The following GLIS3 variants were observed in gnomAD, a reference collection of about 807,000 sequenced individuals.
GLIS3 encodes zinc finger protein GLIS3.
A neutral mutation model predicts 78.6 loss-of-function variants in GLIS3; 53 were observed. That is an observed-to-expected ratio of 0.67 (90% CI 0.54 to 0.85). The LOEUF is 0.85. Among genes scored for constraint, GLIS3 ranks in the 40% least tolerant of loss-of-function variants. The pLI, the probability that GLIS3 is intolerant of heterozygous loss-of-function variation, is 0.00. For synonymous variants in GLIS3, 684 were observed against 509.9 expected (o/e 1.34, Z -4.60); for missense variants, 1,703 against 1,231.1 (o/e 1.38, Z -5.74).
chr9:3,987,776 A>C (rs1262246478), intron 4 of GLIS3, among the ~76,000 whole-genome samples: 8 of 144,336 alleles, frequency 5.5e-5, no homozygotes, highest in African/African-American at 1.3e-4. Flanking sequence ...AAAAAAAAAA[A>C]AAAAAAAAAA....
chr9:4,087,347 A>G (rs565983890), intron 4 of GLIS3, among the ~76,000 whole-genome samples: 20 of 152,320 alleles, frequency 1.3e-4, no homozygotes, highest in African/African-American at 4.8e-4. Context: ...ATAGATGCAC[A>G]TCCAAAGCTG....
chr9:4,417,034 T>C, the GLIS3 span, among the ~76,000 whole-genome samples: 1 of 152,144 alleles, frequency 6.6e-6, no homozygotes, highest in African/African-American at 2.4e-5. Context: ...ATTCCTTCTC[T>C]CAATTATGCA....
the GLIS3 span, among the ~76,000 whole-genome samples, chr9:4,396,923 A>C: frequency 1.3e-5 from 2 of 152,042 alleles, no homozygotes; most frequent in African/African-American, 4.8e-5. Flanking sequence ...TTTTCTGGGA[A>C]AACGCCCAGG....
At chr9:3,995,197 G>A (rs1820649352) in intron 4 of GLIS3, among the ~76,000 whole-genome samples, 1 of 152,098 alleles carries the variant, frequency 6.6e-6, no homozygotes, top group South Asian at 2.1e-4. Flanking sequence ...GGAAAAATGA[G>A]TCTCTTAAGG....
intron 3 of GLIS3, among the ~76,000 whole-genome samples, chr9:4,120,944 C>T (rs1051225138): frequency 1.3e-5 from 2 of 152,206 alleles, no homozygotes; most frequent in Admixed American, 6.5e-5. Flanking sequence ...TCTTATTTCT[C>T]TCAAATTATA....
chr9:3,875,326 G>C (rs1821242610), intron 8 of GLIS3, among the ~76,000 whole-genome samples: 1 of 152,186 alleles, frequency 6.6e-6, no homozygotes, highest in African/African-American at 2.4e-5. Context: ...TTGTTAGATT[G>C]AGAGAACTTG....
intron 4 of GLIS3, among the ~76,000 whole-genome samples, chr9:4,022,732 A>G (rs986390767): frequency 3.9e-5 from 6 of 152,212 alleles, no homozygotes; most frequent in Non-Finnish European, 5.9e-5. Flanking sequence ...ACAGTATTCC[A>G]CAAGGTAAAG....
chr9:4,253,093 G>T (rs1824552037), intron 2 of GLIS3, among the ~76,000 whole-genome samples: 1 of 152,266 alleles, frequency 6.6e-6, no homozygotes. Context: ...ACAGGGGTCA[G>T]GGACCCACTG....
At position 3,971,050 on chromosome 9, in the gene GLIS3, CGAAGGAAGGAAGGAAGGATTAATT is replaced by C. The variant is rs1314615480; in HGVS notation, c.1711-33885_1711-33862del. ...TCGATCAAAGGAAAGAAGGAAGGATCGAAGGAAGGAAGGAAGGATTAATTGAAGGAAGGAAGGAAGGATAGATCG... is the reference window on the plus strand; with the variant it reads ...TCGATCAAAGGAAAGAAGGAAGGATCGAAGGAAGGAAGGAAGGATAGATCG... On this transcript the variant is annotated intron_variant, in intron 4 of 10. Coordinates refer to ENST00000381971, the MANE Select transcript of GLIS3 (RefSeq NM_001042413.2). 7.2e-5 allele frequency among the ~76,000 whole-genome samples: 10 copies of C among 138,736 alleles called. No individual in the cohort carries two copies. In the South Asian group the frequency reaches 1.1e-3, roughly 16 times the overall value. The allele number at this position is 138,736 out of a possible 152,430, so 91.0% of individuals were successfully genotyped here.
chr9:4,252,458 G>T (rs1824491760), intron 2 of GLIS3, among the ~76,000 whole-genome samples: 1 of 151,846 alleles, frequency 6.6e-6, no homozygotes, highest in Non-Finnish European at 1.5e-5. Flanking sequence ...GTTCCATCAG[G>T]TCATTTATGT....
chr9:4,401,782 G>C, the GLIS3 span, among the ~76,000 whole-genome samples: 2 of 151,582 alleles, frequency 1.3e-5, no homozygotes, highest in Admixed American at 6.6e-5. Flanking sequence ...ATTTTTAACA[G>C]ACAGTATTTC....
chr9:4,004,289 A>G (rs1821361223), intron 4 of GLIS3, among the ~76,000 whole-genome samples: 1 of 152,206 alleles, frequency 6.6e-6, no homozygotes, highest in African/African-American at 2.4e-5. Context: ...AGACTCCTTG[A>G]TATTTGGTAG....
intron 2 of GLIS3, among the ~76,000 whole-genome samples, chr9:4,171,241 A>C (rs1312886586): frequency 6.6e-6 from 1 of 152,232 alleles, no homozygotes; most frequent in Non-Finnish European, 1.5e-5. Context: ...ATAACAGTAT[A>C]AAGATAAAAG....
the GLIS3 span, among the ~76,000 whole-genome samples, chr9:4,385,866 G>C: frequency 3.2e-4 from 48 of 151,908 alleles, 1 homozygote; most frequent in African/African-American, 1.1e-3. Context: ...GGTGCACAAG[G>C]CTCACCCCAA....
chr9:4,314,317 G>A (rs1817407978), intron 2 of GLIS3, among the ~76,000 whole-genome samples: 1 of 152,152 alleles, frequency 6.6e-6, no homozygotes, highest in Non-Finnish European at 1.5e-5. Flanking sequence ...CTTTCTCCCA[G>A]GCTGCATGTC....
At chr9:4,020,581 C>A (rs1415898107) in intron 4 of GLIS3, among the ~76,000 whole-genome samples, 1 of 152,192 alleles carries the variant, frequency 6.6e-6, no homozygotes, top group Non-Finnish European at 1.5e-5. Flanking sequence ...AGGCATAAAC[C>A]ACATACTTAT....
At chr9:3,854,001 C>G (rs1819599222) in intron 9 of GLIS3, among the ~76,000 whole-genome samples, 1 of 152,158 alleles carries the variant, frequency 6.6e-6, no homozygotes, top group Non-Finnish European at 1.5e-5. Flanking sequence ...TGAGCTATGT[C>G]CAGATTTCAG....
intron 4 of GLIS3, among the ~76,000 whole-genome samples, chr9:4,064,188 T>A (rs1164009034): frequency 6.6e-6 from 1 of 152,086 alleles, no homozygotes; most frequent in African/African-American, 2.4e-5. Flanking sequence ...ACCTATTTAC[T>A]GAGGAAAAAA....
chr9:4,355,785 T>C, the GLIS3 span, among the ~76,000 whole-genome samples: 1 of 152,118 alleles, frequency 6.6e-6, no homozygotes, highest in African/African-American at 2.4e-5. Context: ...CAACTGAGCA[T>C]TGCACCTATA....
Sources: allele counts gnomAD v4.1 joint callset (sites outside exome capture counted in the v4.1 genomes callset), GRCh38; gene constraint gnomAD v4.1.1; transcripts MANE v1.5; gene names NCBI Gene and HGNC (gene_info 2026-07-23, HGNC 2026-07-21).